The following ARMC2 variants were observed in gnomAD, a reference collection of about 807,000 sequenced individuals.
ARMC2 encodes armadillo repeat containing 2, also known as armadillo repeat-containing protein 2.
A neutral mutation model predicts 90.3 loss-of-function variants in ARMC2; 67 were observed. The ratio of observed to expected loss-of-function variants is 0.74; its 90% confidence interval spans 0.61 to 0.91. The LOEUF is 0.91. Ranked by LOEUF, ARMC2 falls within the 40% of genes least tolerant of loss-of-function variation. The pLI is 0.00. For missense variants in ARMC2, 920 were observed against 1,030.9 expected (o/e 0.89, Z 1.47); for synonymous variants, 393 against 393.0 (o/e 1.00, Z 0.00).
Position 108,887,281 on chromosome 6 carries a change from T to C in ARMC2, c.672-7186T>C, listed in dbSNP as rs972231342. On this transcript the variant is annotated intron_variant, in intron 5 of 17. Transcript: ENST00000392644. ...GTGCATGTGGTCCAAAAGTAGATAT[T>C]GTCCACATGATTGACTCATGGATGG... Among the ~76,000 whole-genome samples the C allele has an allele frequency of 5.3e-5, 8 of 152,178 alleles. 1 individual carries two copies. Among genetic ancestry groups the C allele is most frequent in the Admixed American group, 3.3e-4 (5 of 15,270 alleles).
the ARMC2 span, chr6:108,987,708 CAT>C: frequency 1.3e-6 from 1 of 756,434 alleles, no homozygotes. Flanking sequence ...CTAATGAACA[CAT>C]AAAATAAGTA....
chr6:109,004,839 A>T, the ARMC2 span, among the ~76,000 whole-genome samples: 1 of 152,228 alleles, frequency 6.6e-6, no homozygotes, highest in South Asian at 2.1e-4. Flanking sequence ...ATGCTGAGAT[A>T]CTGTCTTCCT....
At chr6:108,901,990 A>T (rs554964575) in intron 7 of ARMC2, among the ~76,000 whole-genome samples, 7 of 152,208 alleles carry the variant, frequency 4.6e-5, no homozygotes, top group Admixed American at 1.3e-4. Flanking sequence ...GGCAGAGCAC[A>T]TGAGTGCTGC....
intron 5 of ARMC2, among the ~76,000 whole-genome samples, chr6:108,879,705 G>A (rs1420656018): frequency 1.3e-5 from 2 of 152,114 alleles, no homozygotes; most frequent in African/African-American, 2.4e-5. Flanking sequence ...AAACTATCAT[G>A]GTTTGGAAAT....
At chr6:108,922,265 C>T (rs548013913) in intron 10 of ARMC2, among the ~76,000 whole-genome samples, 1 of 152,178 alleles carries the variant, frequency 6.6e-6, no homozygotes, top group South Asian at 2.1e-4. Context: ...GGAGGGCCCC[C>T]CCACCCTTTT....
At position 108,900,152 on chromosome 6, in the gene ARMC2, CT is replaced by C. The variant is rs551753459; in HGVS notation, c.847+362del. On this transcript the variant is annotated intron_variant, in intron 7 of 17. Coordinates refer to ENST00000392644, the MANE Select transcript of ARMC2 (RefSeq NM_032131.6). ...GTAAAAGATTAAAACAGATTTCAGG[CT>C]TGGAAGCTGAGTCTCATAAACTGGC... is the stretch of plus-strand genomic sequence containing the variant. Among the ~76,000 whole-genome samples, 12 of 152,320 alleles carry C rather than the reference CT, an allele frequency of 7.9e-5. No homozygotes were observed. In the East Asian group the frequency reaches 2.3e-3, roughly 29 times the overall value.
At chr6:108,861,606 A>G (rs748575173) in intron 3 of ARMC2, among the ~76,000 whole-genome samples, 1 of 152,254 alleles carries the variant, frequency 6.6e-6, no homozygotes, top group Non-Finnish European at 1.5e-5. Flanking sequence ...GACAAAAACA[A>G]GATCCCAAGA....
intron 15 of ARMC2, among the ~76,000 whole-genome samples, chr6:108,963,714 C>G (rs1013452494): frequency 1.3e-5 from 2 of 152,210 alleles, no homozygotes; most frequent in African/African-American, 4.8e-5. Flanking sequence ...GCCTGCCTTG[C>G]CCCAGGTTGG....
chr6:108,897,452 A>G (rs73526076), intron 6 of ARMC2, among the ~76,000 whole-genome samples: 4,647 of 152,220 alleles, frequency 0.031, 220 homozygotes, highest in African/African-American at 0.11. Flanking sequence ...AAACCTTGCT[A>G]TTAAGGCTAT....
the ARMC2 span, chr6:108,988,772 T>C: frequency 9.2e-7 from 1 of 1,083,958 alleles, no homozygotes; most frequent in Non-Finnish European, 1.3e-6. Context: ...CAATAGTTAA[T>C]ACTGTATTTT....
At chr6:108,922,531 A>G (rs1308736609) in intron 10 of ARMC2, among the ~76,000 whole-genome samples, 3 of 152,232 alleles carry the variant, frequency 2.0e-5, no homozygotes, top group African/African-American at 4.8e-5. Flanking sequence ...TTAAGTACCT[A>G]TAGTCAACTT....
In ARMC2 at chr6:108,899,736, T is replaced by C. The variant is rs1771935741; in HGVS notation, c.791T>C (p.Val264Ala). The C allele has an allele frequency of 3.1e-6, 5 of 1,613,778 alleles. No homozygotes were observed. The highest frequency in any genetic ancestry group is 1.1e-5 in the South Asian group (1 of 91,052). ...DLQEEDAEIE[V>A]DEVFWNTRIV... ...CAAGAAGAGGACGCAGAAATAGAAG[T>C]AGACGAAGTCTTTTGGAATACAAGG... The change falls in exon 7 of 18, where the codon GTA becomes GCA. Residue 264 changes from valine to alanine, a missense_variant. Physicochemically the swap from Val to Ala is moderately conservative, Grantham distance 64. Coordinates refer to ENST00000392644, the MANE Select transcript of ARMC2 (RefSeq NM_032131.6).
the ARMC2 span, among the ~76,000 whole-genome samples, chr6:109,046,897 G>C: frequency 4.1e-5 from 5 of 121,314 alleles, no homozygotes; most frequent in Non-Finnish European, 8.9e-5. Context: ...CAGCTGCCCC[G>C]TCTGAGAAGT....
intron 8 of ARMC2, among the ~76,000 whole-genome samples, chr6:108,904,666 AGAAG>A (rs1772492468): frequency 3.3e-5 from 5 of 151,898 alleles, no homozygotes; most frequent in Admixed American, 6.6e-5. Flanking sequence ...AAAAAGAAGA[AGAAG>A]AAGGAAGGAA....
At chr6:109,015,053 T>G in the ARMC2 span, among the ~76,000 whole-genome samples, 35 of 152,310 alleles carry the variant, frequency 2.3e-4, no homozygotes, top group African/African-American at 7.2e-4. Context: ...GAATGAACTC[T>G]GAAGAGATGT....
At chr6:108,952,345 C>T (rs989234560) in intron 12 of ARMC2, among the ~76,000 whole-genome samples, 3 of 152,138 alleles carry the variant, frequency 2.0e-5, no homozygotes, top group East Asian at 1.9e-4. Flanking sequence ...GTGCATAAAA[C>T]GGGTATGCAC....
rs1775261500 is a variant in ARMC2, at chr6:108,928,213, C to T, written c.1476C>T (p.Thr492=). 2 of 1,555,034 alleles carry T rather than the reference C, an allele frequency of 1.3e-6. No homozygotes were observed. The highest frequency in any genetic ancestry group is 2.7e-5 in the African/African-American group (2 of 72,786). ...EQYKGDKDVC[T]NIARIFSKLT... ...ACAAGGGTGACAAGGACGTCTGTAC[C>T]AATATTGCCAGAATATTCAGGTAGG... is the stretch of plus-strand genomic sequence containing the variant. The change falls in exon 11 of 18, where the codon ACC becomes ACT. Residue 492 remains threonine, a synonymous_variant. Coordinates refer to ENST00000392644, the MANE Select transcript of ARMC2 (RefSeq NM_032131.6).
At chr6:109,042,748 C>A in the ARMC2 span, among the ~76,000 whole-genome samples, 1 of 152,094 alleles carries the variant, frequency 6.6e-6, no homozygotes, top group East Asian at 1.9e-4. Flanking sequence ...ATTTCCAAAT[C>A]CAGTTTATTT....
At chr6:108,907,622 C>T (rs540863742) in intron 8 of ARMC2, 611 of 1,579,258 alleles carry the variant, frequency 3.9e-4, no homozygotes, top group Non-Finnish European at 4.8e-4. Context: ...GTGGTATTTG[C>T]GGAGCCACTC....
Sources: allele counts gnomAD v4.1 joint callset (sites outside exome capture counted in the v4.1 genomes callset), GRCh38; gene constraint gnomAD v4.1.1; transcripts MANE v1.5; gene names NCBI Gene and HGNC (gene_info 2026-07-23, HGNC 2026-07-21).